ATP2A1: variants seen among roughly 807,000 people sequenced by gnomAD.
ATP2A1 encodes ATPase sarcoplasmic/endoplasmic reticulum Ca2+ transporting 1.
In ATP2A1, 83 loss-of-function variants were observed where a neutral mutation model predicts 109.5. That is an observed-to-expected ratio of 0.76 (90% CI 0.63 to 0.91). The LOEUF (loss-of-function observed/expected upper bound fraction) is 0.91, where lower values mean the gene tolerates loss of function less well. Among genes scored for constraint, ATP2A1 ranks in the 40% least tolerant of loss-of-function variants. ATP2A1 has a pLI of 0.00. For synonymous variants in ATP2A1, 505 were observed against 537.6 expected, an observed-to-expected ratio of 0.94 and a Z score of 0.84; for missense variants, 1,101 against 1,341.0, an observed-to-expected ratio of 0.82 and a Z score of 2.80.
chr16:28,878,639 CACACCG>C lies in ATP2A1; in HGVS notation c.-32_-27del. The C allele has an allele frequency of 6.4e-7, 1 of 1,556,450 alleles. No individual in the cohort carries two copies. Among genetic ancestry groups the C allele is most frequent in the Non-Finnish European group, 8.7e-7 (1 of 1,144,264 alleles). ...ACGAGTGGGAACCCCCTGGAAGGAA[CACACCG>C]GCCCCGGCCCCCAGGAAGGGAGCAC... On this transcript the variant is annotated 5_prime_UTR_variant, in exon 1 of 23. Coordinates refer to ENST00000395503, the MANE Select transcript of ATP2A1 (RefSeq NM_004320.6).
chr16:28,886,893 G>A (rs1326877216), intron 6 of ATP2A1, among the ~76,000 whole-genome samples: 1 of 151,700 alleles, frequency 6.6e-6, no homozygotes, highest in Non-Finnish European at 1.5e-5. Flanking sequence ...AGCTACTTGG[G>A]AGGCTGAGGC....
Position 28,888,871 on chromosome 16 carries a change from C to T in ATP2A1, c.1013C>T (p.Ser338Phe), listed in dbSNP as rs755056355. Residue 338 changes from serine (S) to phenylalanine (F), a missense_variant, in exon 9 of 23, where the codon TCC becomes TTC. By Grantham distance (155) the Ser-to-Phe change is radical. Transcript: ENST00000395503. ...AATGCCATTGTAAGAAGCTTGCCCTCCGTAGAGACCCTGGGCTGCACCTCT... is the reference window on the plus strand; with the variant it reads ...AATGCCATTGTAAGAAGCTTGCCCTTCGTAGAGACCCTGGGCTGCACCTCT... The part of the protein sequence containing the change: ...KKNAIVRSLP[S>F]VETLGCTSVI... The T allele has an allele frequency of 1.2e-6, 2 of 1,614,116 alleles. No individual in the cohort carries two copies. Among genetic ancestry groups the T allele is most frequent in the Non-Finnish European group, 1.7e-6 (2 of 1,179,986 alleles).
intron 2 of ATP2A1, 69 bp from the exon 3 acceptor site, chr16:28,879,432 G>C: frequency 6.9e-7 from 1 of 1,446,200 alleles, no homozygotes; most frequent in Non-Finnish European, 9.7e-7. Context: ...CCGGAGTCCA[G>C]GGCGCTCCAT....
chr16:28,904,107 C>G, intron 22 of ATP2A1, 73 bp from the exon 23 acceptor site: 1 of 1,383,600 alleles, frequency 7.2e-7, no homozygotes, highest in Admixed American at 1.7e-5. Context: ...AAGTGCGTGC[C>G]TGGGAGATGC....
chr16:28,895,740 C>A lies in ATP2A1; in HGVS notation c.1419+787C>A, dbSNP rs190938064. 2.7e-4 allele frequency among the ~76,000 whole-genome samples: 41 copies of A among 151,616 alleles called. 1 individual carries two copies. Among genetic ancestry groups the A allele is most frequent in the Non-Finnish European group, 4.4e-5 (3 of 67,870 alleles). On this transcript the variant is annotated intron_variant, in intron 12 of 22. Coordinates refer to ENST00000395503, the MANE Select transcript of ATP2A1 (RefSeq NM_004320.6). ...ATTAGTTGGGTGTGGTGGTGCAAAA[C>A]TGTACTCTAGCTACTAGGAAGGCTA...
In ATP2A1 at chr16:28,903,604, G is replaced by A. The variant is rs1222849034; in HGVS notation, c.2981-96G>A. ...GCGCCTGCAGGGGCCACATCTCCGG[G>A]GCAGCCCCACTGCCTCCTCAGCCCC... On this transcript the variant is annotated intron_variant, in intron 21 of 22. Coordinates refer to ENST00000395503, the MANE Select transcript of ATP2A1 (RefSeq NM_004320.6). This position sits in a 1 kb window ranked among gnomAD's most constrained non-coding sequence, Gnocchi z 5.6. 12 of 1,219,726 alleles carry A rather than the reference G, an allele frequency of 9.8e-6. No individual in the cohort carries two copies. Among genetic ancestry groups the A allele is most frequent in the African/African-American group, 3.0e-5 (2 of 66,872 alleles). The allele number at this position is 1,219,726 out of a possible 1,614,324, so 75.6% of individuals were successfully genotyped here. A position where few individuals can be genotyped will look rare whatever the true frequency, so the allele number is the denominator to read the frequency against.
chr16:28,903,096 C>T lies in ATP2A1; in HGVS notation c.2811C>T (p.Ile937=), dbSNP rs773983777. The T allele has an allele frequency of 2.5e-6, 4 of 1,613,874 alleles. No homozygotes were observed. The South Asian group carries it at 4.4e-5, about 18-fold the overall frequency. Residue 937 remains isoleucine (I), a synonymous_variant, in exon 20 of 23, where the codon ATC becomes ATT. Coordinates refer to ENST00000395503, the MANE Select transcript of ATP2A1 (RefSeq NM_004320.6). This position sits in a 1 kb window ranked among gnomAD's most constrained non-coding sequence, Gnocchi z 5.6. ...PWVNIWLLGS[I]CLSMSLHFLI... is the part of the protein sequence containing the mutation. ...TGAACATCTGGCTGCTGGGCTCCATCTGCCTCTCCATGTCCCTGCACTTCC... is the reference window on the plus strand; with the variant it reads ...TGAACATCTGGCTGCTGGGCTCCATTTGCCTCTCCATGTCCCTGCACTTCC...
At position 28,882,679 on chromosome 16, in the gene ATP2A1, G is replaced by C. The variant is rs1963520714; in HGVS notation, c.463+90G>C. 6 of 1,559,882 alleles carry C rather than the reference G, an allele frequency of 3.8e-6. No homozygotes were observed. In the South Asian group the frequency reaches 5.8e-5, roughly 15 times the overall value. ...GGGCTGGTCAGGCTCGGATCCAGGT[G>C]TCCAGGAGGATGACGGAGTCTGCTT... On this transcript the variant is annotated intron_variant, in intron 5 of 22. Coordinates refer to ENST00000395503, the MANE Select transcript of ATP2A1 (RefSeq NM_004320.6).
intron 4 of ATP2A1, 71 bp downstream of exon 4, chr16:28,881,090 C>T: frequency 2.8e-6 from 4 of 1,429,860 alleles, no homozygotes; most frequent in Non-Finnish European, 3.9e-6. Context: ...CCTCCAGTCT[C>T]CTCCTCCTCC....
At chr16:28,896,478 TC>T (rs1294987303) in intron 12 of ATP2A1, among the ~76,000 whole-genome samples, 1 of 152,046 alleles carries the variant, frequency 6.6e-6, no homozygotes, top group Non-Finnish European at 1.5e-5. Flanking sequence ...AGTGGGGCCA[TC>T]TCGGCTCACT....
Position 28,900,982 on chromosome 16 carries a change from G to T in ATP2A1, c.2100+66G>T, listed in dbSNP as rs1386284536. 7.5e-6 allele frequency: 12 copies of T among 1,596,994 alleles called. No individual in the cohort carries two copies. The East Asian group carries it at 2.0e-4, about 27-fold the overall frequency. ...GATGACCAGATGACTGTGCTGGGGAGAGTGGGGCCCAGGGCCAGAGGGCCC... is the reference window on the plus strand; with the variant it reads ...GATGACCAGATGACTGTGCTGGGGATAGTGGGGCCCAGGGCCAGAGGGCCC... On this transcript the variant is annotated intron_variant, in intron 15 of 22. Coordinates refer to ENST00000395503, the MANE Select transcript of ATP2A1 (RefSeq NM_004320.6).
At chr16:28,891,765 G>C (rs1261456357) in intron 9 of ATP2A1, among the ~76,000 whole-genome samples, 1 of 151,704 alleles carries the variant, frequency 6.6e-6, no homozygotes, top group Admixed American at 6.6e-5. Flanking sequence ...TGTAATCCCA[G>C]CTACTTGGGA....
intron 12 of ATP2A1, among the ~76,000 whole-genome samples, chr16:28,895,345 T>C (rs117079286): frequency 0.034 from 5,203 of 152,304 alleles, 144 homozygotes; most frequent in Non-Finnish European, 0.051. Flanking sequence ...ACTGCACCTA[T>C]AGGGAAAGCC....
In ATP2A1 at chr16:28,894,602, A is replaced by C; in HGVS notation, c.1282A>C (p.Asn428His). The C allele has an allele frequency of 6.2e-7, 1 of 1,614,014 alleles. No individual in the cohort carries two copies. Residue 428 changes from asparagine (N) to histidine (H), a missense_variant, in exon 11 of 23, where the codon AAC becomes CAC. Asn to His is a moderately conservative substitution (Grantham distance 68). Coordinates refer to ENST00000395503, the MANE Select transcript of ATP2A1 (RefSeq NM_004320.6). ...CTGCAATGACTCCTCCTTGGACTTC[A>C]ACGAGGTAACCTCTCCTTCCCCTTC... is the stretch of plus-strand genomic sequence containing the variant. The part of the protein sequence containing the change: ...ALCNDSSLDF[N>H]EAKGVYEKVG...
Position 28,902,534 on chromosome 16 carries a change from C to G in ATP2A1, c.2525-46C>G, listed in dbSNP as rs776552723. The G allele has an allele frequency of 1.3e-6, 2 of 1,598,478 alleles. No homozygotes were observed. Reference sequence around the variant, plus strand: ...ATGAGGCCCTCAACCCTCGATGCCCCCTATCTCCCCAGCCCTGACCCCCGA... The same window carrying G: ...ATGAGGCCCTCAACCCTCGATGCCCGCTATCTCCCCAGCCCTGACCCCCGA... On this transcript the variant is annotated intron_variant, in intron 17 of 22. Transcript: ENST00000395503. The surrounding 1 kb of genome is among the most constrained non-coding windows in gnomAD (Gnocchi z 4.8).
intron 9 of ATP2A1, among the ~76,000 whole-genome samples, chr16:28,890,271 A>G (rs377562071): frequency 1.2e-4 from 18 of 150,098 alleles, no homozygotes; most frequent in African/African-American, 4.4e-4. Flanking sequence ...CCTAAGCAAC[A>G]TAGTGAGAGT....
In ATP2A1 at chr16:28,882,903, C is replaced by A. The variant is rs555397028; in HGVS notation, c.463+314C>A. ...CTGCCAATGGCCCCGTCTCCACCCC[C>A]TCCCGGGCCTGGCTTCCCCCTCCTT... On this transcript the variant is annotated intron_variant, in intron 5 of 22. Coordinates refer to ENST00000395503, the MANE Select transcript of ATP2A1 (RefSeq NM_004320.6). Among the ~76,000 whole-genome samples the A allele has an allele frequency of 1.5e-3, 236 of 152,358 alleles. 1 individual carries two copies. The highest frequency in any genetic ancestry group is 2.8e-3 in the Non-Finnish European group (191 of 68,026).
In ATP2A1 at chr16:28,878,637, A is replaced by AAC; in HGVS notation, c.-30_-29dup. On this transcript the variant is annotated 5_prime_UTR_variant, in exon 1 of 23. Coordinates refer to ENST00000395503, the MANE Select transcript of ATP2A1 (RefSeq NM_004320.6). ...CCACGAGTGGGAACCCCCTGGAAGG[A>AAC]ACACACCGGCCCCGGCCCCCAGGAA... 6.4e-7 allele frequency: 1 copy of AAC among 1,554,016 alleles called. No homozygotes were observed. Among genetic ancestry groups the AAC allele is most frequent in the South Asian group, 1.2e-5 (1 of 85,788 alleles).
intron 14 of ATP2A1, among the ~76,000 whole-genome samples, chr16:28,899,900 A>G (rs1014220585): frequency 6.6e-6 from 1 of 150,952 alleles, no homozygotes; most frequent in Non-Finnish European, 1.5e-5. Context: ...TGGAGGTTGC[A>G]GTGAGCTGAG....
Sources: gnomAD v4.1 joint callset for allele counts (sites outside exome capture counted in the v4.1 genomes callset) on GRCh38, gnomAD v4.1.1 for gene constraint, Gnocchi (gnomAD v3.1) non-coding constraint, MANE v1.5 for transcripts, NCBI Gene and HGNC (gene_info 2026-07-23, HGNC 2026-07-21) for gene names.